TBK1: variants seen among roughly 807,000 people sequenced by gnomAD.
TBK1 encodes serine/threonine-protein kinase TBK1.
In TBK1, 37 loss-of-function variants were observed where a neutral mutation model predicts 99.9. The ratio of observed to expected loss-of-function variants is 0.37; its 90% CI spans 0.28 to 0.49. The LOEUF (loss-of-function observed/expected upper bound fraction) is 0.49. Among genes scored for constraint, TBK1 ranks in the 20% least tolerant of loss-of-function variants. The pLI, the probability that TBK1 is intolerant of heterozygous loss-of-function variation, is 0.98. For synonymous variants in TBK1, 258 were observed against 279.8 expected (o/e 0.92, Z 0.78); for missense variants, 644 against 872.5 (o/e 0.74, Z 3.30).
chr12:64,492,032 A>G (rs796152310), intron 13 of TBK1, among the ~76,000 whole-genome samples: 6 of 152,366 alleles, frequency 3.9e-5, no homozygotes, highest in African/African-American at 1.2e-4. Flanking sequence ...AACCATAGCT[A>G]TAGAATAAGG....
chr12:64,501,341 T>G lies in TBK1; in HGVS notation c.2150T>G (p.Leu717Ter). The stretch of plus-strand genomic sequence containing the variant: ...TGTGTGTGTTTTAGGTTTGGCTCTT[T>G]AACCATGGATGGTGGCCTTCGCAAC... ...NNHILERFGS[L>*]TMDGGLRNVD... The change falls in exon 21 of 21, where the codon TTA (leucine) becomes TGA (stop). Residue 717 changes from leucine (L) to a stop codon, truncating the protein, a stop_gained. Coordinates refer to ENST00000331710, the MANE Select transcript of TBK1 (RefSeq NM_013254.4). LOFTEE classifies it high-confidence loss of function. 6.2e-7 allele frequency: 1 copy of G among 1,614,104 alleles called. No individual in the cohort carries two copies. Among genetic ancestry groups the G allele is most frequent in the Non-Finnish European group, 8.5e-7 (1 of 1,180,000 alleles).
chr12:64,473,154 G>A (rs1423809506), intron 5 of TBK1, among the ~76,000 whole-genome samples: 1 of 152,190 alleles, frequency 6.6e-6, no homozygotes, highest in East Asian at 1.9e-4. Flanking sequence ...TAAGTGGGAA[G>A]ACCAAGAGTC....
intron 13 of TBK1, among the ~76,000 whole-genome samples, chr12:64,493,712 C>T (rs1244551617): frequency 6.6e-6 from 1 of 152,134 alleles, no homozygotes; most frequent in Non-Finnish European, 1.5e-5. Flanking sequence ...CATTTTGGGA[C>T]CCCACCTCGG....
At chr12:64,483,684 T>C (rs2040789751) in intron 8 of TBK1, among the ~76,000 whole-genome samples, 1 of 152,166 alleles carries the variant, frequency 6.6e-6, no homozygotes, top group African/African-American at 2.4e-5. Context: ...TCTAAACCGC[T>C]CTGCTATGTT....
At position 64,460,281 on chromosome 12, in the gene TBK1, A is replaced by G. The variant is rs1592353604; in HGVS notation, c.180A>G (p.Lys60=). The G allele has an allele frequency of 3.2e-6, 5 of 1,581,680 alleles. No individual in the cohort carries two copies. The highest frequency in any genetic ancestry group is 2.3e-5 in the East Asian group (1 of 43,684). ...AAATGAGAGAATTTGAAGTGTTGAA[A>G]AAACTCAATCACAAAAATATTGTCA... ...DVQMREFEVL[K]KLNHKNIVKL... Residue 60 remains lysine, a synonymous_variant, in exon 3 of 21, where the codon AAA becomes AAG. Transcript: ENST00000331710.
chr12:64,478,060 A>C (rs558595181), intron 6 of TBK1, among the ~76,000 whole-genome samples: 2 of 152,378 alleles, frequency 1.3e-5, no homozygotes, highest in African/African-American at 4.8e-5. Flanking sequence ...TAGTGAATGG[A>C]TAACAACCAC....
chr12:64,478,061 T>C (rs1004135751), intron 6 of TBK1, among the ~76,000 whole-genome samples: 4 of 152,256 alleles, frequency 2.6e-5, no homozygotes, highest in Non-Finnish European at 5.9e-5. Flanking sequence ...AGTGAATGGA[T>C]AACAACCACT....
intron 7 of TBK1, among the ~76,000 whole-genome samples, chr12:64,481,326 G>C (rs1234131759): frequency 6.6e-6 from 1 of 152,110 alleles, no homozygotes; most frequent in Non-Finnish European, 1.5e-5. Context: ...ATTATCTATC[G>C]AATCAGTCTT....
intron 20 of TBK1, among the ~76,000 whole-genome samples, chr12:64,499,349 T>C (rs914401762): frequency 1.3e-5 from 2 of 152,012 alleles, no homozygotes; most frequent in Non-Finnish European, 2.9e-5. Flanking sequence ...CCGGCCAATT[T>C]TGTTCTTTAA....
intron 20 of TBK1, among the ~76,000 whole-genome samples, chr12:64,499,986 G>A (rs940936093): frequency 2.6e-5 from 4 of 151,986 alleles, no homozygotes; most frequent in Non-Finnish European, 5.9e-5. Flanking sequence ...GTGAGCCACC[G>A]TGCCCAGCCA....
At chr12:64,501,050 C>T (rs997928916) in intron 20 of TBK1, among the ~76,000 whole-genome samples, 2 of 152,074 alleles carry the variant, frequency 1.3e-5, no homozygotes, top group Non-Finnish European at 2.9e-5. Flanking sequence ...TGAGCCACTG[C>T]GCCGGCCCCA....
intron 4 of TBK1, among the ~76,000 whole-genome samples, chr12:64,465,513 A>G (rs1331254951): frequency 6.7e-6 from 1 of 149,602 alleles, no homozygotes; most frequent in South Asian, 2.1e-4. Context: ...AAAAAAAAAA[A>G]GATGAAAACA....
chr12:64,463,690 C>A (rs1371381641), intron 3 of TBK1, among the ~76,000 whole-genome samples: 1 of 85,880 alleles, frequency 1.2e-5, no homozygotes, highest in African/African-American at 4.7e-5. Flanking sequence ...CAGAGCAAGA[C>A]TCTGTCTCAA....
At chr12:64,482,876 T>C (rs1164412012) in intron 8 of TBK1, among the ~76,000 whole-genome samples, 2 of 152,214 alleles carry the variant, frequency 1.3e-5, no homozygotes, top group Admixed American at 6.5e-5. Context: ...CATTAAGCAA[T>C]GCATGACTGT....
At chr12:64,452,524 C>T (rs2040438440) in intron 1 of TBK1, 2 of 152,252 alleles carry the variant, frequency 1.3e-5, no homozygotes, top group Non-Finnish European at 2.9e-5. Context: ...AAGAGGACGA[C>T]TCCGTTACCG....
chr12:64,484,564 A>G, intron 9 of TBK1, 65 bp downstream of exon 9: 1 of 1,477,410 alleles, frequency 6.8e-7, no homozygotes, highest in Non-Finnish European at 9.1e-7. Flanking sequence ...CCTGGGCAAC[A>G]TAGTGAGACC....
At chr12:64,473,927 GA>G (rs954110322) in intron 5 of TBK1, among the ~76,000 whole-genome samples, 1 of 151,942 alleles carries the variant, frequency 6.6e-6, no homozygotes, top group Non-Finnish European at 1.5e-5. Flanking sequence ...AAAAAAAAGA[GA>G]AAAAAATAAA....
At position 64,496,903 on chromosome 12, in the gene TBK1, G is replaced by A. The variant is rs762681469; in HGVS notation, c.1761-46G>A. The A allele has an allele frequency of 2.0e-5, 26 of 1,300,728 alleles. No individual in the cohort carries two copies. In the East Asian group the frequency reaches 6.3e-4, roughly 31 times the overall value. The allele number at this position is 1,300,728 out of a possible 1,614,324, so 80.6% of individuals were successfully genotyped here. ...TGAAAATTTCTAAATATTGAAAGTAGAAACAGTGACATTGGTTTAAGCCTC... is the reference window on the plus strand; with the variant it reads ...TGAAAATTTCTAAATATTGAAAGTAAAAACAGTGACATTGGTTTAAGCCTC... On this transcript the variant is annotated intron_variant, in intron 16 of 20. Transcript: ENST00000331710.
At chr12:64,464,013 G>A (rs982136004) in intron 3 of TBK1, among the ~76,000 whole-genome samples, 1 of 151,930 alleles carries the variant, frequency 6.6e-6, no homozygotes, top group Non-Finnish European at 1.5e-5. Context: ...AGAGGCATGT[G>A]CCACCACACT....
Sources: allele counts gnomAD v4.1 joint callset (sites outside exome capture counted in the v4.1 genomes callset), GRCh38; gene constraint gnomAD v4.1.1; transcripts MANE v1.5; gene names NCBI Gene and HGNC (gene_info 2026-07-23, HGNC 2026-07-21).